SND1: variants seen among roughly 807,000 people sequenced by gnomAD.
SND1 encodes the protein staphylococcal nuclease and tudor domain containing 1.
A neutral mutation model predicts 121.7 loss-of-function variants in SND1; 38 were observed. The ratio of observed to expected loss-of-function variants is 0.31; its 90% confidence interval spans 0.24 to 0.41. The LOEUF (loss-of-function observed/expected upper bound fraction) is 0.41. Among genes scored for constraint, SND1 ranks in the 10% least tolerant of loss-of-function variants. The pLI is 1.00. For synonymous variants in SND1, 401 were observed against 447.4 expected (o/e 0.90, Z 1.31); for missense variants, 868 against 1,184.6 (o/e 0.73, Z 3.92).
At chr7:127,843,304 A>G (rs556338464) in intron 11 of SND1, among the ~76,000 whole-genome samples, 3 of 152,118 alleles carry the variant, frequency 2.0e-5, no homozygotes, top group East Asian at 3.9e-4. Context: ...GGGCTTTGAT[A>G]TATGTATAGT....
At chr7:127,696,525 C>A (rs1796009562) in intron 3 of SND1, among the ~76,000 whole-genome samples, 1 of 152,178 alleles carries the variant, frequency 6.6e-6, no homozygotes, top group Non-Finnish European at 1.5e-5. Context: ...GTACTATCTT[C>A]AAAATGCAAT....
intron 12 of SND1, among the ~76,000 whole-genome samples, chr7:127,853,944 G>T (rs1255502457): frequency 2.0e-5 from 3 of 152,018 alleles, no homozygotes; most frequent in African/African-American, 7.2e-5. Context: ...ACTCACTGTG[G>T]TTTTTTGTAT....
chr7:128,014,476 A>G (rs1803182879), intron 16 of SND1, among the ~76,000 whole-genome samples: 1 of 152,210 alleles, frequency 6.6e-6, no homozygotes, highest in South Asian at 2.1e-4. Flanking sequence ...AGTCCTCACT[A>G]GAAGGAGCTG....
At chr7:127,807,344 A>G (rs117012671) in intron 10 of SND1, 140 bp from the exon 11 acceptor site, 9,825 of 624,618 alleles carry the variant, frequency 0.016, 110 homozygotes, top group Non-Finnish European at 0.019. Flanking sequence ...ACTTTTAATC[A>G]TTTATTATGT....
At chr7:128,091,586 G>A (rs976013605) in intron 22 of SND1, among the ~76,000 whole-genome samples, 9 of 152,180 alleles carry the variant, frequency 5.9e-5, no homozygotes, top group Non-Finnish European at 2.9e-5. Flanking sequence ...AAGCAGGTGG[G>A]AGAGGTAGCC....
intron 10 of SND1, among the ~76,000 whole-genome samples, chr7:127,744,328 A>G (rs891404421): frequency 1.3e-5 from 2 of 152,000 alleles, no homozygotes; most frequent in African/African-American, 4.8e-5. Flanking sequence ...TGACCTGCTT[A>G]TGTATACTTC....
intron 14 of SND1, among the ~76,000 whole-genome samples, chr7:127,909,703 A>G (rs895675231): frequency 2.0e-5 from 3 of 152,142 alleles, no homozygotes; most frequent in East Asian, 1.9e-4. Flanking sequence ...AAGTATTGCT[A>G]TTATAGGCAT....
rs1797519713 is a variant in SND1, at chr7:127,771,968, CT to C, written c.1153-35515del. Reference sequence around the variant, plus strand: ...TTCACTGTTCATCACTGGTACTTTCCTATCCATCAGATAATGTATGCAACAC... The same window carrying C: ...TTCACTGTTCATCACTGGTACTTTCCATCCATCAGATAATGTATGCAACAC... On this transcript the variant is annotated intron_variant, in intron 10 of 23. Transcript: ENST00000354725. Among the ~76,000 whole-genome samples, 8 of 152,234 alleles carry C rather than the reference CT, an allele frequency of 5.3e-5. 1 individual carries two copies. In the South Asian group the frequency reaches 1.7e-3, roughly 32 times the overall value.
chr7:127,866,811 T>A (rs904989006), intron 12 of SND1, among the ~76,000 whole-genome samples: 3 of 152,174 alleles, frequency 2.0e-5, no homozygotes, highest in African/African-American at 4.8e-5. Context: ...GGAGTAAATA[T>A]AGGGTTATCA....
At chr7:128,079,617 T>A (rs1159986958) in intron 17 of SND1, among the ~76,000 whole-genome samples, 1 of 152,246 alleles carries the variant, frequency 6.6e-6, no homozygotes, top group Non-Finnish European at 1.5e-5. Flanking sequence ...CATTCCCCCA[T>A]AGCCGCTCCT....
intron 10 of SND1, among the ~76,000 whole-genome samples, chr7:127,752,546 G>A (rs1797115004): frequency 6.6e-6 from 1 of 152,186 alleles, no homozygotes; most frequent in African/African-American, 2.4e-5. Flanking sequence ...GTAAGTGAAA[G>A]AGGAATTTAA....
At chr7:127,716,444 G>C (rs1796391260) in intron 9 of SND1, among the ~76,000 whole-genome samples, 1 of 147,562 alleles carries the variant, frequency 6.8e-6, no homozygotes, top group Admixed American at 6.7e-5. Flanking sequence ...TAATTCCTAA[G>C]TATTTTGTTC....
At chr7:127,868,988 C>T (rs762524774) in intron 12 of SND1, among the ~76,000 whole-genome samples, 4 of 151,966 alleles carry the variant, frequency 2.6e-5, no homozygotes, top group Non-Finnish European at 5.9e-5. Context: ...GCGGCACTTT[C>T]GTTCCAATGG....
chr7:128,033,092 A>G (rs1792679739), intron 16 of SND1, among the ~76,000 whole-genome samples: 1 of 152,242 alleles, frequency 6.6e-6, no homozygotes, highest in African/African-American at 2.4e-5. Context: ...CGGGCGGCTG[A>G]GCCCCCTGCC....
chr7:127,800,354 C>T (rs925648325), intron 10 of SND1, among the ~76,000 whole-genome samples: 2 of 152,194 alleles, frequency 1.3e-5, no homozygotes, highest in Middle Eastern at 3.4e-3. Flanking sequence ...TGTTGAGGCT[C>T]CTTTTAAAAA....
chr7:128,056,708 A>C lies in SND1; in HGVS notation c.1780-17794A>C, dbSNP rs140225703. On this transcript the variant is annotated intron_variant, in intron 16 of 23. Transcript: ENST00000354725. ...GGTACAGTAGTCCCCCCTTATCCACAGGGAATACATTCCAGGACCCTCAGT... is the reference window on the plus strand; with the variant it reads ...GGTACAGTAGTCCCCCCTTATCCACCGGGAATACATTCCAGGACCCTCAGT... 2.6e-3 allele frequency among the ~76,000 whole-genome samples: 396 copies of C among 152,346 alleles called. 1 individual carries two copies. Among genetic ancestry groups the C allele is most frequent in the African/African-American group, 9.0e-3 (376 of 41,586 alleles).
chr7:127,678,056 T>C (rs1397912466), intron 1 of SND1, among the ~76,000 whole-genome samples: 2 of 152,216 alleles, frequency 1.3e-5, no homozygotes, highest in African/African-American at 4.8e-5. Flanking sequence ...ACACCTGTTC[T>C]ACTGGCACAT....
intron 15 of SND1, among the ~76,000 whole-genome samples, chr7:127,948,347 G>A (rs1801380551): frequency 6.6e-6 from 1 of 152,098 alleles, no homozygotes; most frequent in Non-Finnish European, 1.5e-5. Context: ...TCTTTCAAGG[G>A]CTAAAATGCC....
At chr7:127,931,977 T>TACAAGA (rs1800964156) in intron 15 of SND1, among the ~76,000 whole-genome samples, 2 of 152,098 alleles carry the variant, frequency 1.3e-5, no homozygotes, top group Admixed American at 1.3e-4. Context: ...TCTGAAAGAG[T>TACAAGA]TGTACAAGAA....
Sources: allele counts gnomAD v4.1 joint callset (sites outside exome capture counted in the v4.1 genomes callset), GRCh38; gene constraint gnomAD v4.1.1; transcripts MANE v1.5; gene names NCBI Gene and HGNC (gene_info 2026-07-23, HGNC 2026-07-21).